The following RAD21 variants were observed in gnomAD, a reference collection of about 807,000 sequenced individuals.
RAD21 encodes double-strand-break repair protein rad21 homolog.
A neutral mutation model predicts 71.5 loss-of-function variants in RAD21; 18 were observed. The observed-to-expected ratio is 0.25, with a 90% confidence interval of 0.17 to 0.37. RAD21 has a LOEUF of 0.37. Among genes scored for constraint, RAD21 ranks in the 10% least tolerant of loss-of-function variants. RAD21 has a pLI of 1.00. For missense variants in RAD21, 493 were observed against 769.1 expected (o/e 0.64, Z 4.25); for synonymous variants, 248 against 254.0 (o/e 0.98, Z 0.22).
At chr8:116,852,303 T>C (rs748385007) in intron 10 of RAD21, 19 of 635,078 alleles carry the variant, frequency 3.0e-5, no homozygotes, top group Non-Finnish European at 4.1e-5. Flanking sequence ...GGACAAGTCC[T>C]ACCCTCAGTA....
chr8:116,847,741 A>G, intron 13 of RAD21, 50 bp from the exon 14 acceptor site: 3 of 1,476,686 alleles, frequency 2.0e-6, no homozygotes, highest in Non-Finnish European at 2.8e-6. Flanking sequence ...TAAAGTAGTA[A>G]TTCAGTGAGG....
At position 116,856,208 on chromosome 8, in the gene RAD21, T is replaced by C. The variant is rs760410855; in HGVS notation, c.895A>G (p.Asn299Asp). Reference sequence around the variant, plus strand: ...TCCAATGCAAATGCTTCTTCCTCATTTGGAACAAGTGTTGTTTGATCAGTC... The same window carrying C: ...TCCAATGCAAATGCTTCTTCCTCATCTGGAACAAGTGTTGTTTGATCAGTC... ...TMTDQTTLVP[N>D]EEEAFALEPI... Residue 299 changes from asparagine to aspartate, a missense_variant, in exon 8 of 14, where the codon AAT (asparagine) becomes GAT (aspartate). Physicochemically the swap from Asn to Asp is conservative, Grantham distance 23. Transcript: ENST00000297338. 5.6e-6 allele frequency: 9 copies of C among 1,609,360 alleles called. No individual in the cohort carries two copies. The highest frequency in any genetic ancestry group is 6.8e-6 in the Non-Finnish European group (8 of 1,178,068).
In RAD21 at chr8:116,846,206, A is replaced by T. The variant is rs3020109; in HGVS notation, c.*1294T>A. The T allele has an allele frequency of 0.016, 3,684 of 231,338 alleles. 252 individuals are homozygous for T. The East Asian group carries it at 0.17, about 11-fold the overall frequency. 14.3% of individuals were successfully genotyped at this position (231,338 alleles called of 1,614,324 possible). A position where few individuals can be genotyped will look rare whatever the true frequency, so the allele number is the denominator to read the frequency against. Reference sequence around the variant, plus strand: ...CCACTCTGAAGAAACTGAATCATTAAAACAGTAATTACGAGTTCACAAATT... The same window carrying T: ...CCACTCTGAAGAAACTGAATCATTATAACAGTAATTACGAGTTCACAAATT... On this transcript the variant is annotated 3_prime_UTR_variant, in exon 14 of 14. Transcript: ENST00000297338.
rs1269660025 is a variant in RAD21 at position 116,858,421 on chromosome 8, T to C, written c.412A>G (p.Ser138Gly). ...CTCATGGTTATCTCTTCCACTCTAC[T>C]CTGATTCAAGCTGAACTGCTGGGCC... ...DVAQQFSLNQ[S>G]RVEEITMREE... The change falls in exon 5 of 14, where the codon AGT (serine) becomes GGT (glycine). Residue 138 changes from serine to glycine, a missense_variant. Ser to Gly is a moderately conservative substitution (Grantham distance 56, BLOSUM62 0). Around this residue, in one of 5 missense-constraint regions of RAD21, gnomAD observed 165 missense variants for 229.6 expected, o/e 0.72. Coordinates refer to ENST00000297338, the MANE Select transcript of RAD21 (RefSeq NM_006265.3). 6.2e-7 allele frequency: 1 copy of C among 1,613,142 alleles called. No individual in the cohort carries two copies. Among genetic ancestry groups the C allele is most frequent in the Admixed American group, 1.7e-5 (1 of 59,928 alleles).
chr8:116,863,387 C>T, intron 2 of RAD21, 128 bp from the exon 3 acceptor site: 1 of 985,162 alleles, frequency 1.0e-6, no homozygotes, highest in Non-Finnish European at 1.5e-6. Context: ...TATAAATTCC[C>T]TGAATATCGA....
At chr8:116,873,634 C>CT (rs147633107) in intron 1 of RAD21, among the ~76,000 whole-genome samples, 54 of 137,800 alleles carry the variant, frequency 3.9e-4, no homozygotes, top group African/African-American at 1.4e-3. Context: ...CGCACAAACG[C>CT]TGTTTTTTTT....
chr8:116,853,230 C>T (rs999879076), intron 9 of RAD21, among the ~76,000 whole-genome samples: 1 of 151,994 alleles, frequency 6.6e-6, no homozygotes, highest in Non-Finnish European at 1.5e-5. Context: ...AGGTGTGTAC[C>T]ACCACACACG....
In RAD21 at chr8:116,856,292, T is replaced by TA. The variant is rs35902828; in HGVS notation, c.815-5dup. On this transcript the variant is annotated splice_polypyrimidine_tract_variant and splice_region_variant and intron_variant, in intron 7 of 13. Transcript: ENST00000297338. ...TCAGGACTATCAGGCCCACCCACTG[T>TA]AAAAAAAAAAAAAAAAAAAAAAAGT... 35,896 of 1,162,066 alleles carry TA rather than the reference T, an allele frequency of 0.031. 702 individuals are homozygous for TA. The highest frequency in any genetic ancestry group is 0.17 in the African/African-American group (7,887 of 46,550). 72.0% of individuals were successfully genotyped at this position (1,162,066 alleles called of 1,614,324 possible). A position where few individuals can be genotyped will look rare whatever the true frequency, so the allele number is the denominator to read the frequency against.
intron 4 of RAD21, 59 bp downstream of exon 4, chr8:116,861,782 C>T: frequency 8.1e-7 from 1 of 1,240,422 alleles, no homozygotes. Context: ...CATTTGGAAG[C>T]TAATACTACT....
At chr8:116,858,979 T>C (rs1812528083) in intron 4 of RAD21, among the ~76,000 whole-genome samples, 1 of 147,480 alleles carries the variant, frequency 6.8e-6, no homozygotes, top group Non-Finnish European at 1.5e-5. Flanking sequence ...GTACAAAAAA[T>C]AGATGGCAAG....
intron 8 of RAD21, among the ~76,000 whole-genome samples, chr8:116,855,818 A>C (rs966680462): frequency 1.3e-5 from 2 of 152,172 alleles, no homozygotes; most frequent in African/African-American, 4.8e-5. Context: ...TCCAGTTGTT[A>C]CACAAGTAAG....
chr8:116,854,480 A>G lies in RAD21; in HGVS notation c.938-12T>C. On this transcript the variant is annotated splice_polypyrimidine_tract_variant and intron_variant, in intron 8 of 13. Coordinates refer to ENST00000297338, the MANE Select transcript of RAD21 (RefSeq NM_006265.3). ...TTTTGTTTCTTTAACTGGAATGATA[A>G]TAAAAAATAAGATCATTTTCCTGAG... The G allele has an allele frequency of 6.3e-7, 1 of 1,595,128 alleles. No individual in the cohort carries two copies. Among genetic ancestry groups the G allele is most frequent in the Non-Finnish European group, 8.6e-7 (1 of 1,163,504 alleles).
At chr8:116,871,388 T>G (rs1347085182) in intron 1 of RAD21, among the ~76,000 whole-genome samples, 1 of 152,168 alleles carries the variant, frequency 6.6e-6, no homozygotes, top group Non-Finnish European at 1.5e-5. Context: ...AAAATTAAAG[T>G]CTGATGTGAA....
chr8:116,872,893 TCAGA>T (rs769617605), intron 1 of RAD21, among the ~76,000 whole-genome samples: 3 of 152,236 alleles, frequency 2.0e-5, no homozygotes, highest in Non-Finnish European at 2.9e-5. Context: ...AGTTTTACAA[TCAGA>T]CAGTCGTAGG....
chr8:116,864,874 C>A (rs1489761043), intron 2 of RAD21, among the ~76,000 whole-genome samples: 1 of 152,024 alleles, frequency 6.6e-6, no homozygotes, highest in Non-Finnish European at 1.5e-5. Context: ...AGATTCCAGG[C>A]TACATATTCT....
intron 2 of RAD21, 55 bp from the exon 3 acceptor site, chr8:116,863,314 T>C (rs1275492002): frequency 5.8e-6 from 9 of 1,547,170 alleles, no homozygotes; most frequent in Non-Finnish European, 7.9e-6. Context: ...CCATTCATAG[T>C]CTTCTTTTTA....
intron 4 of RAD21, among the ~76,000 whole-genome samples, chr8:116,860,618 T>G (rs146079558): frequency 1.1e-3 from 172 of 152,092 alleles, no homozygotes; most frequent in African/African-American, 3.8e-3. Flanking sequence ...ATAAGCTCAC[T>G]GCTTTTTTAA....
chr8:116,847,413 T>TTTCTCAAAGGG lies in RAD21; in HGVS notation c.*76_*86dup, dbSNP rs1812269942. 3 of 1,181,538 alleles carry TTTCTCAAAGGG rather than the reference T, an allele frequency of 2.5e-6. No homozygotes were observed. The African/African-American group carries it at 4.7e-5, about 19-fold the overall frequency. 73.2% of individuals were successfully genotyped at this position (1,181,538 alleles called of 1,614,324 possible). On this transcript the variant is annotated 3_prime_UTR_variant, in exon 14 of 14. Transcript: ENST00000297338. Reference sequence around the variant, plus strand: ...ACTTTGTACAGACAAAAATCTAAGTTTTCTCAAAGGGTTCTGTGTCCCCTA... The same window carrying TTTCTCAAAGGG: ...ACTTTGTACAGACAAAAATCTAAGTTTTCTCAAAGGGTTCTCAAAGGGTTCTGTGTCCCCTA...
At chr8:116,847,747 TG>T in intron 13 of RAD21, 56 bp from the exon 14 acceptor site, 1 of 1,432,800 alleles carries the variant, frequency 7.0e-7, no homozygotes, top group Non-Finnish European at 9.5e-7. Context: ...AGTAATTCAG[TG>T]AGGATGCTGA....
Sources: allele counts gnomAD v4.1 joint callset (sites outside exome capture counted in the v4.1 genomes callset), GRCh38; gene constraint gnomAD v4.1.1; regional missense constraint gnomAD v4.1.1; transcripts MANE v1.5; gene names NCBI Gene and HGNC (gene_info 2026-07-23, HGNC 2026-07-21).